The following IQCH variants were observed in gnomAD, a reference collection of about 807,000 sequenced individuals.
IQCH encodes IQ domain-containing protein H.
In IQCH, 98 loss-of-function variants were observed where a neutral mutation model predicts 117.0. That is an observed-to-expected ratio of 0.84 (90% CI 0.71 to 0.99). The LOEUF is 0.99. Ranked by LOEUF, IQCH falls within the 50% of genes least tolerant of loss-of-function variation. The probability of loss-of-function intolerance (pLI) is 0.00; values close to 1 mark genes in which losing one functional copy is unlikely to be tolerated. For missense variants in IQCH, 1,102 were observed against 1,243.8 expected (o/e 0.89, Z 1.72); for synonymous variants, 412 against 448.2 (o/e 0.92, Z 1.02).
At chr15:67,313,935 C>T (rs1967722240) in intron 4 of IQCH, among the ~76,000 whole-genome samples, 1 of 152,098 alleles carries the variant, frequency 6.6e-6, no homozygotes, top group Non-Finnish European at 1.5e-5. Context: ...AACATTATCT[C>T]CTGAACTTGT....
At chr15:67,434,111 C>G (rs1357445717) in intron 16 of IQCH, among the ~76,000 whole-genome samples, 1 of 152,144 alleles carries the variant, frequency 6.6e-6, no homozygotes, top group Non-Finnish European at 1.5e-5. Context: ...GATCTACTCT[C>G]TTAGCAAATT....
rs903382994 is a variant in IQCH, at chr15:67,346,739, A to G, written c.637+2548A>G. Among the ~76,000 whole-genome samples the G allele has an allele frequency of 2.6e-4, 40 of 152,210 alleles. 1 individual carries two copies. The highest frequency in any genetic ancestry group is 9.6e-4 in the African/African-American group (40 of 41,454). On this transcript the variant is annotated intron_variant, in intron 6 of 20. Coordinates refer to ENST00000335894, the MANE Select transcript of IQCH (RefSeq NM_001031715.3). Reference sequence around the variant, plus strand: ...AGACCATTATAGAGCATTAAAACACAACAGAACATGCATTTACTTCAAATG... The same window carrying G: ...AGACCATTATAGAGCATTAAAACACGACAGAACATGCATTTACTTCAAATG...
At position 67,497,640 on chromosome 15, in the gene IQCH, C is replaced by T. The variant is rs552420134; in HGVS notation, c.2971-2993C>T. 8.5e-5 allele frequency among the ~76,000 whole-genome samples: 13 copies of T among 152,084 alleles called. No homozygotes were observed. The East Asian group carries it at 1.7e-3, about 20-fold the overall frequency. The stretch of plus-strand genomic sequence containing the variant: ...TCCTGAGTAGCTGGGATTACAAGCA[C>T]GCACCACCATGCCTGGCTAATTTTT... On this transcript the variant is annotated intron_variant, in intron 20 of 20. Coordinates refer to ENST00000335894, the MANE Select transcript of IQCH (RefSeq NM_001031715.3).
rs1167806458 is a variant in IQCH at position 67,443,137 on chromosome 15, C to T, written c.2505+21560C>T. 6.6e-6 allele frequency among the ~76,000 whole-genome samples: 1 copy of T among 152,048 alleles called. No individual in the cohort carries two copies. The highest frequency in any genetic ancestry group is 2.4e-5 in the African/African-American group (1 of 41,506). On this transcript the variant is annotated intron_variant, in intron 16 of 20. Transcript: ENST00000335894. This position sits in a 1 kb window ranked among gnomAD's most constrained non-coding sequence, Gnocchi z 5.0. ...CCTCCTGAGTAGCTGGGACTACAGG[C>T]GCCCGCCACAGCGCCCGGCTAATTT...
chr15:67,379,834 T>C (rs150334729), intron 10 of IQCH, among the ~76,000 whole-genome samples: 3 of 152,258 alleles, frequency 2.0e-5, no homozygotes, highest in Admixed American at 6.5e-5. Context: ...ATAAACCTTT[T>C]TTCTTCATAA....
At chr15:67,315,419 T>A (rs1422001926) in intron 4 of IQCH, among the ~76,000 whole-genome samples, 1 of 152,166 alleles carries the variant, frequency 6.6e-6, no homozygotes, top group African/African-American at 2.4e-5. Flanking sequence ...ACTGAGAAAT[T>A]CTGACTCTCC....
At chr15:67,378,678 A>G (rs1275372606) in intron 10 of IQCH, among the ~76,000 whole-genome samples, 1 of 151,998 alleles carries the variant, frequency 6.6e-6, no homozygotes, top group African/African-American at 2.4e-5. Flanking sequence ...AAATTATCCA[A>G]TTGGTCTTGA....
chr15:67,275,092 G>T (rs996538050), intron 3 of IQCH, among the ~76,000 whole-genome samples: 2 of 152,178 alleles, frequency 1.3e-5, no homozygotes, highest in African/African-American at 4.8e-5. Flanking sequence ...AATATCTAGG[G>T]TTGGGATGGT....
intron 4 of IQCH, among the ~76,000 whole-genome samples, chr15:67,287,336 T>G (rs1418348243): frequency 1.3e-5 from 2 of 152,110 alleles, no homozygotes; most frequent in East Asian, 3.9e-4. Context: ...ATAGTTTGAG[T>G]AGGATTGGTA....
At chr15:67,437,844 A>G (rs2082174790) in intron 16 of IQCH, among the ~76,000 whole-genome samples, 1 of 152,176 alleles carries the variant, frequency 6.6e-6, no homozygotes, top group Non-Finnish European at 1.5e-5. Context: ...TCTGACAAAG[A>G]CAAAGAAAAA....
intron 4 of IQCH, among the ~76,000 whole-genome samples, chr15:67,302,746 A>G (rs1229329594): frequency 3.3e-5 from 5 of 152,150 alleles, no homozygotes; most frequent in African/African-American, 1.2e-4. Context: ...AATCCCAGCT[A>G]CTCAGGAGGC....
chr15:67,418,133 C>T (rs750611775), intron 15 of IQCH, among the ~76,000 whole-genome samples: 3 of 152,230 alleles, frequency 2.0e-5, no homozygotes, highest in East Asian at 1.9e-4. Flanking sequence ...TCTGCTAACA[C>T]GTAGAAGAGC....
chr15:67,362,704 C>T (rs187272740), intron 8 of IQCH, among the ~76,000 whole-genome samples: 15 of 152,310 alleles, frequency 9.8e-5, no homozygotes, highest in Admixed American at 9.8e-4. Context: ...CCCCATAGCC[C>T]CAGGGAAAGA....
intron 18 of IQCH, among the ~76,000 whole-genome samples, chr15:67,478,495 A>G (rs1445290527): frequency 6.6e-6 from 1 of 152,202 alleles, no homozygotes; most frequent in African/African-American, 2.4e-5. Context: ...AGATAAAATG[A>G]GAGAGAAGAA....
chr15:67,264,857 C>T (rs1009675720), intron 3 of IQCH, among the ~76,000 whole-genome samples: 1 of 151,434 alleles, frequency 6.6e-6, no homozygotes, highest in Non-Finnish European at 1.5e-5. Context: ...TCTCTCCCTC[C>T]TCCTTCTCTC....
At chr15:67,461,673 G>A (rs1346572911) in intron 16 of IQCH, among the ~76,000 whole-genome samples, 1 of 152,234 alleles carries the variant, frequency 6.6e-6, no homozygotes, top group Admixed American at 6.5e-5. Flanking sequence ...GGAAGCAAAA[G>A]CATTTCAGCT....
intron 4 of IQCH, among the ~76,000 whole-genome samples, chr15:67,326,770 T>C (rs770325850): frequency 4.6e-5 from 7 of 152,240 alleles, no homozygotes; most frequent in Non-Finnish European, 8.8e-5. Context: ...GATGAATATA[T>C]AAACATATTT....
Position 67,364,360 on chromosome 15 carries a change from G to A in IQCH, c.753+4475G>A, listed in dbSNP as rs73472912. On this transcript the variant is annotated intron_variant, in intron 8 of 20. Transcript: ENST00000335894. This position sits in a 1 kb window ranked among gnomAD's most constrained non-coding sequence, Gnocchi z 4.1. ...TAGAAATTGCCATCCTCACCTATGC[G>A]TTTTCATCATTAAACTTTCCAAATG... Among the ~76,000 whole-genome samples the A allele has an allele frequency of 0.019, 2,852 of 151,894 alleles. 115 individuals carry two copies. The highest frequency in any genetic ancestry group is 0.065 in the African/African-American group (2,698 of 41,410).
In IQCH at chr15:67,329,642, T is replaced by C. The variant is rs28513853; in HGVS notation, c.388-7333T>C. Among the ~76,000 whole-genome samples, 863 of 152,132 alleles carry C rather than the reference T, an allele frequency of 5.7e-3. 7 individuals carry two copies. The highest frequency in any genetic ancestry group is 0.02 in the African/African-American group (816 of 41,496). ...AGGTGCATGCCCAGATAATTTTTTT[T>C]ATTTTTTGTGGAGCCTGGATCTCAC... is the stretch of plus-strand genomic sequence containing the variant. On this transcript the variant is annotated intron_variant, in intron 4 of 20. Transcript: ENST00000335894.
Sources: allele counts gnomAD v4.1 joint callset (sites outside exome capture counted in the v4.1 genomes callset), GRCh38; gene constraint gnomAD v4.1.1; non-coding constraint Gnocchi (gnomAD v3.1); transcripts MANE v1.5; gene names NCBI Gene and HGNC (gene_info 2026-07-23, HGNC 2026-07-21).